RBM47: variants seen among roughly 807,000 people sequenced by gnomAD.
RBM47 encodes the protein RNA-binding protein 47.
RBM47 carries 21 observed loss-of-function variants against 47.1 expected under a neutral mutation model. That is an observed-to-expected ratio of 0.45 (90% CI 0.32 to 0.64). The LOEUF is 0.64. Ranked by LOEUF, RBM47 falls within the 30% of genes least tolerant of loss-of-function variation. RBM47 has a pLI of 0.05. For synonymous variants in RBM47, 375 were observed against 361.7 expected, an observed-to-expected ratio of 1.04 and a Z score of -0.42; for missense variants, 708 against 870.9, an observed-to-expected ratio of 0.81 and a Z score of 2.35.
rs1733166027 is a variant in RBM47, at chr4:40,583,388, G to GGAAAA, written c.-239-38883_-239-38882insTTTTC. On this transcript the variant is annotated intron_variant, in intron 1 of 6. Coordinates refer to ENST00000295971, the MANE Select transcript of RBM47 (RefSeq NM_001098634.2). Reference sequence around the variant, plus strand: ...GAGATCACGCCACTACTCCATCTCAGAAAAAAAAAAAAAAAAAAAAAAAAA... The same window carrying GGAAAA: ...GAGATCACGCCACTACTCCATCTCAGGAAAAAAAAAAAAAAAAAAAAAAAAAAAAA... Among the ~76,000 whole-genome samples, 5 of 91,102 alleles carry GGAAAA rather than the reference G, an allele frequency of 5.5e-5. 2 individuals are homozygous for GGAAAA. Among genetic ancestry groups the GGAAAA allele is most frequent in the Admixed American group, 2.5e-4 (2 of 8,096 alleles). The allele number at this position is 91,102 out of a possible 152,430, so 59.8% of individuals were successfully genotyped here. A position where few individuals can be genotyped will look rare whatever the true frequency, so the allele number is the denominator to read the frequency against.
intron 1 of RBM47, among the ~76,000 whole-genome samples, chr4:40,547,449 G>C (rs1323717237): frequency 5.3e-5 from 8 of 152,242 alleles, no homozygotes; most frequent in Non-Finnish European, 8.8e-5. Context: ...AAGCCAGGCA[G>C]AAAAGCCTCC....
chr4:40,437,776 A>C lies in RBM47; in HGVS notation c.1118T>G (p.Val373Gly). ...GGAGAAGAGCCCCCACTAACCTTTC[A>C]CAAAGTAGTCCCTGTTGGGCCCAAT... is the stretch of plus-strand genomic sequence containing the variant. ...ALIGPNRDYF[V>G]KAGSIRGRGR... The change falls in exon 4 of 7, where the codon GTG (valine) becomes GGG (glycine). Residue 373 changes from valine (V) to glycine (G), a missense_variant. Transcript: ENST00000295971. 2 of 1,597,060 alleles carry C rather than the reference A, an allele frequency of 1.3e-6. No individual in the cohort carries two copies. Among genetic ancestry groups the C allele is most frequent in the Non-Finnish European group, 1.7e-6 (2 of 1,166,266 alleles).
chr4:40,506,859 G>T (rs1431934605), intron 2 of RBM47, among the ~76,000 whole-genome samples: 1 of 152,188 alleles, frequency 6.6e-6, no homozygotes, highest in African/African-American at 2.4e-5. Flanking sequence ...TCTTGGTCAG[G>T]CGTGGTGGCT....
In RBM47 at chr4:40,437,073, C is replaced by CAAAAAAAAAAAAAA. The variant is rs750922605; in HGVS notation, c.1124-440_1124-427dup. 7.1e-3 allele frequency among the ~76,000 whole-genome samples: 152 copies of CAAAAAAAAAAAAAA among 21,268 alleles called. 32 individuals are homozygous for CAAAAAAAAAAAAAA. Among genetic ancestry groups the CAAAAAAAAAAAAAA allele is most frequent in the Non-Finnish European group, 8.6e-3 (104 of 12,034 alleles). 14.0% of individuals were successfully genotyped at this position (21,268 alleles called of 152,430 possible). ...TGGGGAGCATGGTGAGACCCTGTCT[C>CAAAAAAAAAAAAAA]AAAAAAAAAAAAAAAAAATATATAT... On this transcript the variant is annotated intron_variant, in intron 4 of 6. Coordinates refer to ENST00000295971, the MANE Select transcript of RBM47 (RefSeq NM_001098634.2).
intron 6 of RBM47, 125 bp from the exon 7 acceptor site, chr4:40,426,268 AG>A: frequency 1.6e-6 from 2 of 1,270,674 alleles, no homozygotes; most frequent in Non-Finnish European, 2.1e-6. Context: ...AGAAAGGCAG[AG>A]GGGCGGGCAA....
At chr4:40,454,358 A>G (rs1367039646) in intron 3 of RBM47, among the ~76,000 whole-genome samples, 1 of 152,208 alleles carries the variant, frequency 6.6e-6, no homozygotes, top group African/African-American at 2.4e-5. Context: ...GACTAGTAAT[A>G]ATTATCGCTA....
At chr4:40,540,710 AT>A (rs1560456338) in intron 2 of RBM47, among the ~76,000 whole-genome samples, 1 of 147,846 alleles carries the variant, frequency 6.8e-6, no homozygotes, top group Admixed American at 6.8e-5. Context: ...AAACCCTACT[AT>A]TTTTTTCCTT....
intron 1 of RBM47, among the ~76,000 whole-genome samples, chr4:40,616,260 A>C (rs954059541): frequency 7.2e-5 from 11 of 151,796 alleles, no homozygotes; most frequent in Non-Finnish European, 1.3e-4. Context: ...AGGCTGAGGC[A>C]GGAGAATGGC....
intron 1 of RBM47, among the ~76,000 whole-genome samples, chr4:40,627,665 G>A (rs11732608): frequency 0.18 from 26,699 of 152,100 alleles, 2,957 homozygotes; most frequent in Admixed American, 0.26. Flanking sequence ...AAACCAAATA[G>A]TCTAATATGA....
intron 1 of RBM47, among the ~76,000 whole-genome samples, chr4:40,600,295 A>G (rs1227678819): frequency 6.6e-6 from 1 of 151,854 alleles, no homozygotes; most frequent in Non-Finnish European, 1.5e-5. Flanking sequence ...TTACAGGTAT[A>G]AGCCACCACA....
In RBM47 at chr4:40,628,309, A is replaced by G. The variant is rs1737924741; in HGVS notation, c.-240+1087T>C. Among the ~76,000 whole-genome samples, 1 of 152,228 alleles carries G rather than the reference A, an allele frequency of 6.6e-6. No homozygotes were observed. The highest frequency in any genetic ancestry group is 2.1e-4 in the South Asian group (1 of 4,832). The stretch of plus-strand genomic sequence containing the variant: ...GATTTTAGTTCCCTCCAAGACTTCA[A>G]GTCATTGATCTAACAAAGATCATTG... On this transcript the variant is annotated intron_variant, in intron 1 of 6. Transcript: ENST00000295971. This position sits in a 1 kb window ranked among gnomAD's most constrained non-coding sequence, Gnocchi z 4.0.
At position 40,431,855 on chromosome 4, in the gene RBM47, A is replaced by C. The variant is rs1355835749; in HGVS notation, c.1542+796T>G. Among the ~76,000 whole-genome samples the C allele has an allele frequency of 2.6e-5, 4 of 151,932 alleles. No homozygotes were observed. The East Asian group carries it at 7.7e-4, about 29-fold the overall frequency. On this transcript the variant is annotated intron_variant, in intron 6 of 6. Transcript: ENST00000295971. ...AGAGAGGATTATGGGCATATTTTGT[A>C]AATTTATTTTTGAGACAGGGTCTCA...
At chr4:40,523,984 T>C (rs570742681) in intron 2 of RBM47, among the ~76,000 whole-genome samples, 1 of 152,326 alleles carries the variant, frequency 6.6e-6, no homozygotes, top group Non-Finnish European at 1.5e-5. Flanking sequence ...TTTTCATATA[T>C]GTTCCATACA....
chr4:40,430,400 T>C (rs1715798100), intron 6 of RBM47, among the ~76,000 whole-genome samples: 1 of 152,170 alleles, frequency 6.6e-6, no homozygotes, highest in African/African-American at 2.4e-5. Context: ...TAAAGGAGAA[T>C]TAGAAATTAT....
chr4:40,495,885 C>A (rs192726811), intron 2 of RBM47, among the ~76,000 whole-genome samples: 1 of 152,176 alleles, frequency 6.6e-6, no homozygotes, highest in South Asian at 2.1e-4. Context: ...AATACCCTCA[C>A]GTTCGTGGAG....
At chr4:40,562,647 G>T (rs1730743975) in intron 1 of RBM47, among the ~76,000 whole-genome samples, 1 of 151,888 alleles carries the variant, frequency 6.6e-6, no homozygotes, top group African/African-American at 2.4e-5. Context: ...TGTATTTTTA[G>T]TAGAGACGAG....
intron 2 of RBM47, among the ~76,000 whole-genome samples, chr4:40,536,575 T>C (rs1728002785): frequency 6.6e-6 from 1 of 152,204 alleles, no homozygotes. Flanking sequence ...TTTTTCTTCC[T>C]CTATGGTAGG....
At chr4:40,600,037 T>TCA (rs1560497858) in intron 1 of RBM47, among the ~76,000 whole-genome samples, 1 of 151,958 alleles carries the variant, frequency 6.6e-6, no homozygotes, top group African/African-American at 2.4e-5. Flanking sequence ...AGACAAGGCC[T>TCA]CACTCTGTTG....
intron 2 of RBM47, among the ~76,000 whole-genome samples, chr4:40,467,372 C>T (rs1293861638): frequency 1.1e-4 from 16 of 150,420 alleles, no homozygotes; most frequent in African/African-American, 1.2e-4. Flanking sequence ...TCACTGCAAA[C>T]GCCACCTCCC....
Sources: allele counts gnomAD v4.1 joint callset (sites outside exome capture counted in the v4.1 genomes callset), GRCh38; gene constraint gnomAD v4.1.1; non-coding constraint Gnocchi (gnomAD v3.1); transcripts MANE v1.5; gene names NCBI Gene and HGNC (gene_info 2026-07-23, HGNC 2026-07-21).